Variants in DLGAP1 observed in about 807,000 individuals in gnomAD.
DLGAP1 encodes the protein disks large-associated protein 1.
DLGAP1 carries 11 observed loss-of-function variants against 90.8 expected under a neutral mutation model. The ratio of observed to expected loss-of-function variants is 0.12; its 90% confidence interval spans 0.08 to 0.20. The LOEUF is 0.20. Ranked by LOEUF, DLGAP1 falls within the 10% of genes least tolerant of loss-of-function variation. The pLI is 1.00. For synonymous variants in DLGAP1, 558 were observed against 540.7 expected, an observed-to-expected ratio of 1.03 and a Z score of -0.44; for missense variants, 1,050 against 1,333.8, an observed-to-expected ratio of 0.79 and a Z score of 3.31.
At position 4,035,752 on chromosome 18, in the gene DLGAP1, C is replaced by G. The variant is rs529215978; in HGVS notation, c.-158-30551G>C. Among the ~76,000 whole-genome samples the G allele has an allele frequency of 1.8e-4, 28 of 152,276 alleles. 1 individual carries two copies. In the South Asian group the frequency reaches 5.8e-3, roughly 32 times the overall value. ...CTAATCGGTTGCTAATGGTTTCTGG[C>G]TAGGATTTGATTTTCTTTGGCTTAA... On this transcript the variant is annotated intron_variant, in intron 2 of 12. Transcript: ENST00000315677.
chr18:4,017,958 A>C (rs1376568597), intron 2 of DLGAP1, among the ~76,000 whole-genome samples: 1 of 152,212 alleles, frequency 6.6e-6, no homozygotes, highest in African/African-American at 2.4e-5. Context: ...AGATACTAGC[A>C]GACAGCATTA....
In DLGAP1 at chr18:4,360,956, C is replaced by CA. The variant is rs569868348; in HGVS notation, c.-267+94049dup. On this transcript the variant is annotated intron_variant, in intron 1 of 12. Coordinates refer to ENST00000315677, the MANE Select transcript of DLGAP1 (RefSeq NM_004746.4). The stretch of plus-strand genomic sequence containing the variant: ...GGGCAACAAGAGTAAGATTCTACGT[C>CA]AAAAAAAAAAAGTGTGTTTATACTT... Among the ~76,000 whole-genome samples, 1,205 of 138,480 alleles carry CA rather than the reference C, an allele frequency of 8.7e-3. 14 individuals carry two copies. Among genetic ancestry groups the CA allele is most frequent in the African/African-American group, 0.028 (1,072 of 37,936 alleles). 90.8% of individuals were successfully genotyped at this position (138,480 alleles called of 152,430 possible).
rs1464912245 is a variant in DLGAP1, at chr18:3,613,265, C to T, written c.1592-31017G>A. On this transcript the variant is annotated intron_variant, in intron 7 of 12. Transcript: ENST00000315677. The stretch of plus-strand genomic sequence containing the variant: ...TCATAAGTAATATTAGATATAAAAC[C>T]CTTCTCAGGAAAAAAAAAGTTAGCA... Among the ~76,000 whole-genome samples the T allele has an allele frequency of 2.6e-5, 4 of 152,048 alleles. No homozygotes were observed. In the East Asian group the frequency reaches 7.7e-4, roughly 29 times the overall value.
intron 1 of DLGAP1, among the ~76,000 whole-genome samples, chr18:4,406,268 C>CA (rs1394488843): frequency 6.6e-6 from 1 of 152,136 alleles, no homozygotes; most frequent in Non-Finnish European, 1.5e-5. Context: ...ATCTGTGATG[C>CA]AGAAAGGGAG....
chr18:4,110,122 T>G (rs1227361782), intron 2 of DLGAP1, among the ~76,000 whole-genome samples: 1 of 152,172 alleles, frequency 6.6e-6, no homozygotes, highest in Admixed American at 6.5e-5. Context: ...TATTACAGAA[T>G]TTATTTACAC....
At chr18:3,927,618 T>C (rs1431073886) in intron 3 of DLGAP1, among the ~76,000 whole-genome samples, 1 of 152,216 alleles carries the variant, frequency 6.6e-6, no homozygotes, top group African/African-American at 2.4e-5. Context: ...ACATATAATT[T>C]AGAGTTTTGA....
At chr18:4,323,314 G>A (rs189539996) in intron 1 of DLGAP1, among the ~76,000 whole-genome samples, 1 of 152,182 alleles carries the variant, frequency 6.6e-6, no homozygotes, top group East Asian at 1.9e-4. Context: ...ATGAAGAAAA[G>A]GAAACCCTTG....
At chr18:3,522,509 G>T (rs929718561) in intron 10 of DLGAP1, among the ~76,000 whole-genome samples, 4 of 147,716 alleles carry the variant, frequency 2.7e-5, no homozygotes, top group Admixed American at 6.8e-5. Flanking sequence ...TTAAAAGTGG[G>T]TCTATCCACT....
intron 7 of DLGAP1, among the ~76,000 whole-genome samples, chr18:3,639,928 G>C (rs1567880810): frequency 1.3e-5 from 2 of 148,742 alleles, no homozygotes; most frequent in Non-Finnish European, 3.0e-5. Flanking sequence ...CTAATTTTTT[G>C]TATTTTTAGT....
intron 1 of DLGAP1, among the ~76,000 whole-genome samples, chr18:4,364,007 A>T (rs1217905307): frequency 6.6e-6 from 1 of 151,954 alleles, no homozygotes; most frequent in Admixed American, 6.6e-5. Context: ...GAACCAACCC[A>T]AATGTCCAAC....
intron 7 of DLGAP1, among the ~76,000 whole-genome samples, chr18:3,637,850 C>G (rs1034987911): frequency 1.3e-5 from 2 of 151,728 alleles, no homozygotes; most frequent in Non-Finnish European, 2.9e-5. Context: ...AAGACTAATG[C>G]CTGACTTACG....
At chr18:3,951,617 T>A (rs936885169) in intron 3 of DLGAP1, among the ~76,000 whole-genome samples, 2 of 152,200 alleles carry the variant, frequency 1.3e-5, no homozygotes, top group African/African-American at 4.8e-5. Context: ...TGTGTCTTTA[T>A]CTAAATCTCA....
At chr18:3,551,730 T>TCCTTCCTC (rs1568180605) in intron 9 of DLGAP1, among the ~76,000 whole-genome samples, 1 of 19,060 alleles carries the variant, frequency 5.2e-5, no homozygotes, top group Non-Finnish European at 8.0e-5. Flanking sequence ...CTCCCTTCCT[T>TCCTTCCTC]CCTTCCTTCC....
At chr18:3,599,950 C>T (rs1325183108) in intron 7 of DLGAP1, among the ~76,000 whole-genome samples, 6 of 151,170 alleles carry the variant, frequency 4.0e-5, no homozygotes, top group Admixed American at 6.6e-5. Context: ...GACAGGGTCT[C>T]GCTCTGTTGC....
intron 1 of DLGAP1, among the ~76,000 whole-genome samples, chr18:4,163,987 A>C (rs2076891102): frequency 6.6e-6 from 1 of 152,178 alleles, no homozygotes. Flanking sequence ...TTGGCCAGTG[A>C]AAATTCACTC....
intron 4 of DLGAP1, among the ~76,000 whole-genome samples, chr18:3,860,720 G>A (rs1468455504): frequency 1.3e-5 from 2 of 152,154 alleles, no homozygotes; most frequent in African/African-American, 4.8e-5. Context: ...TTGAATTTGT[G>A]ACGTTTCATG....
chr18:3,766,773 G>A (rs2064263735), intron 5 of DLGAP1, among the ~76,000 whole-genome samples: 2 of 152,010 alleles, frequency 1.3e-5, no homozygotes, highest in African/African-American at 2.4e-5. Flanking sequence ...CACTGAACTG[G>A]AGGAAAATTA....
chr18:4,099,238 ATCTGTCTG>A lies in DLGAP1; in HGVS notation c.-159+51934_-159+51941del, dbSNP rs35402489. Among the ~76,000 whole-genome samples, 53 of 114,062 alleles carry A rather than the reference ATCTGTCTG, an allele frequency of 4.6e-4. 1 individual carries two copies. The highest frequency in any genetic ancestry group is 9.5e-3 in the Middle Eastern group (2 of 210). The allele number at this position is 114,062 out of a possible 152,430, so 74.8% of individuals were successfully genotyped here. ...CAGAGAGCCTGGAACTTGAAAATAG[ATCTGTCTG>A]TCTGTCTGTCTGTCTGTCTGTCTGT... is the stretch of plus-strand genomic sequence containing the variant. On this transcript the variant is annotated intron_variant, in intron 2 of 12. Coordinates refer to ENST00000315677, the MANE Select transcript of DLGAP1 (RefSeq NM_004746.4).
intron 2 of DLGAP1, among the ~76,000 whole-genome samples, chr18:4,075,601 A>T (rs1041622208): frequency 2.6e-5 from 4 of 152,166 alleles, no homozygotes; most frequent in African/African-American, 7.2e-5. Flanking sequence ...GTCAACATTT[A>T]GTGACAAGAC....
Sources: gnomAD v4.1 joint callset for allele counts (sites outside exome capture counted in the v4.1 genomes callset) on GRCh38, gnomAD v4.1.1 for gene constraint, MANE v1.5 for transcripts, NCBI Gene and HGNC (gene_info 2026-07-23, HGNC 2026-07-21) for gene names.